The following AKAP19 variants were observed in gnomAD, a reference collection of about 807,000 sequenced individuals.
The protein encoded by AKAP19 is small A-kinase anchoring protein.
At chr2:189,969,728 C>CAAA in the AKAP19 span, among the ~76,000 whole-genome samples, 15 of 49,398 alleles carry the variant, frequency 3.0e-4, no homozygotes, top group African/African-American at 1.1e-3. Flanking sequence ...GACTCCATCT[C>CAAA]AAAAAAAAAA....
At chr2:189,961,934 C>T in the AKAP19 span, among the ~76,000 whole-genome samples, 2 of 151,412 alleles carry the variant, frequency 1.3e-5, no homozygotes, top group Non-Finnish European at 2.9e-5. Flanking sequence ...AAGTATCAGA[C>T]TCACCGAGGG....
the AKAP19 span, among the ~76,000 whole-genome samples, chr2:189,919,127 TG>T: frequency 2.0e-5 from 3 of 152,214 alleles, no homozygotes; most frequent in African/African-American, 7.2e-5. Context: ...AGGCATCCAC[TG>T]AGGGTCCTGG....
chr2:190,180,255 G>T, the AKAP19 span, among the ~76,000 whole-genome samples: 2 of 152,218 alleles, frequency 1.3e-5, no homozygotes, highest in African/African-American at 2.4e-5. The surrounding 1 kb of genome is among the most constrained non-coding windows in gnomAD (Gnocchi z 6.8). Flanking sequence ...AGCTCTGCCC[G>T]GCCCAAGCGC....
At chr2:190,008,420 TC>T in the AKAP19 span, among the ~76,000 whole-genome samples, 1 of 152,176 alleles carries the variant, frequency 6.6e-6, no homozygotes, top group Non-Finnish European at 1.5e-5. Context: ...AAAAATGTGA[TC>T]ATGGTTCATC....
chr2:189,969,470 A>G, the AKAP19 span, among the ~76,000 whole-genome samples: 1 of 152,064 alleles, frequency 6.6e-6, no homozygotes, highest in Non-Finnish European at 1.5e-5. Flanking sequence ...TACCATTACT[A>G]AAAATGATAA....
At chr2:190,038,914 T>TTCTTCC in the AKAP19 span, among the ~76,000 whole-genome samples, 1 of 127,066 alleles carries the variant, frequency 7.9e-6, no homozygotes, top group South Asian at 2.6e-4. Context: ...CTTCTTCTTC[T>TTCTTCC]TCTTCTTCTT....
the AKAP19 span, among the ~76,000 whole-genome samples, chr2:190,069,136 ATGTGTG>A: frequency 0.013 from 1,637 of 127,668 alleles, 28 homozygotes; most frequent in African/African-American, 0.032. Flanking sequence ...GTGCATGCAT[ATGTGTG>A]TGTGTGTGTG....
At chr2:189,916,534 C>G in the AKAP19 span, among the ~76,000 whole-genome samples, 1 of 151,982 alleles carries the variant, frequency 6.6e-6, no homozygotes, top group South Asian at 2.1e-4. Context: ...GTTGGCCAGG[C>G]TTGTCTGGAA....
the AKAP19 span, among the ~76,000 whole-genome samples, chr2:190,034,768 C>T: frequency 2.8e-5 from 4 of 140,414 alleles, no homozygotes; most frequent in Non-Finnish European, 6.0e-5. Context: ...GTGAGAGAAT[C>T]GCTTGAACCG....
chr2:190,055,412 T>C, the AKAP19 span, among the ~76,000 whole-genome samples: 10 of 152,052 alleles, frequency 6.6e-5, no homozygotes, highest in Non-Finnish European at 1.3e-4. Flanking sequence ...CACACCAACA[T>C]GGCACATGTA....
chr2:190,081,038 T>C, the AKAP19 span, among the ~76,000 whole-genome samples: 1 of 152,126 alleles, frequency 6.6e-6, no homozygotes, highest in Non-Finnish European at 1.5e-5. Context: ...ACTATTTTAC[T>C]CCAAAATATA....
At chr2:189,930,937 C>T in the AKAP19 span, 114 of 725,842 alleles carry the variant, frequency 1.6e-4, no homozygotes, top group African/African-American at 1.8e-3. Flanking sequence ...CTCGCTAAAG[C>T]TAGCCCAGTC....
chr2:190,064,596 T>C, the AKAP19 span, among the ~76,000 whole-genome samples: 4 of 152,170 alleles, frequency 2.6e-5, no homozygotes, highest in Non-Finnish European at 5.9e-5. Flanking sequence ...TAATAATGCA[T>C]GTAAATTGCT....
the AKAP19 span, chr2:190,062,595 A>G: frequency 2.5e-6 from 4 of 1,611,186 alleles, no homozygotes; most frequent in Non-Finnish European, 2.5e-6. Context: ...CAGTTTTTGC[A>G]TGATTTTAAA....
the AKAP19 span, among the ~76,000 whole-genome samples, chr2:189,995,346 A>G: frequency 0.59 from 90,415 of 152,136 alleles, 31,047 homozygotes; most frequent in South Asian, 0.78. Context: ...CGTTAGACTG[A>G]TCCTTTCATC....
the AKAP19 span, among the ~76,000 whole-genome samples, chr2:189,956,177 C>CTTTTTTTTTTTTTTTTTTT: frequency 8.1e-6 from 1 of 122,952 alleles, no homozygotes; most frequent in Admixed American, 9.3e-5. Flanking sequence ...TCTTTTTTTT[C>CTTTTTTTTTTTTTTTTTTT]TTTTTTTTTT....
chr2:190,193,138 C>G, the AKAP19 span, among the ~76,000 whole-genome samples: 1 of 151,950 alleles, frequency 6.6e-6, no homozygotes, highest in Non-Finnish European at 1.5e-5. Flanking sequence ...GAAGGCCTTC[C>G]TATTAATACT....
the AKAP19 span, among the ~76,000 whole-genome samples, chr2:189,986,335 C>G: frequency 6.7e-6 from 1 of 148,684 alleles, no homozygotes; most frequent in Admixed American, 6.8e-5. Context: ...ACAATTTTGA[C>G]TATACAAATG....
At chr2:190,193,276 G>A in the AKAP19 span, among the ~76,000 whole-genome samples, 1 of 151,784 alleles carries the variant, frequency 6.6e-6, no homozygotes, top group Non-Finnish European at 1.5e-5. Flanking sequence ...GAATATCCTT[G>A]AATTTCTGGT....
Sources: allele counts gnomAD v4.1 joint callset (sites outside exome capture counted in the v4.1 genomes callset), GRCh38; gene constraint gnomAD v4.1.1; non-coding constraint Gnocchi (gnomAD v3.1); transcripts MANE v1.5; gene names NCBI Gene and HGNC (gene_info 2026-07-23, HGNC 2026-07-21).